The following TIAM1 variants were observed in gnomAD, a reference collection of about 807,000 sequenced individuals.
The protein encoded by TIAM1 is TIAM Rac1 associated GEF 1.
TIAM1 carries 65 observed loss-of-function variants against 163.5 expected under a neutral mutation model. That is an observed-to-expected ratio of 0.40 (90% CI 0.33 to 0.49). The LOEUF (loss-of-function observed/expected upper bound fraction) is 0.49. TIAM1 is among the 20% of genes least tolerant of loss of function. The probability of loss-of-function intolerance (pLI) is 0.77; values close to 1 mark genes in which losing one functional copy is unlikely to be tolerated. For missense variants in TIAM1, 1,789 were observed against 2,044.7 expected (o/e 0.87, Z 2.41); for synonymous variants, 833 against 810.1 (o/e 1.03, Z -0.48).
chr21:31,428,934 A>T (rs1226055850), intron 2 of TIAM1, among the ~76,000 whole-genome samples: 4 of 152,056 alleles, frequency 2.6e-5, no homozygotes, highest in African/African-American at 4.8e-5. Flanking sequence ...GCACTATCCA[A>T]GGTGAGGTAA....
chr21:31,527,941 A>G (rs2047840777), intron 1 of TIAM1, among the ~76,000 whole-genome samples: 1 of 152,130 alleles, frequency 6.6e-6, no homozygotes, highest in South Asian at 2.1e-4. Context: ...ACAGAGTGGG[A>G]GCACCATGTG....
At position 31,556,536 on chromosome 21, in the gene TIAM1, T is replaced by TG. The variant is rs11454331; in HGVS notation, c.-422+2390_-422+2391insC. 2.8e-5 allele frequency among the ~76,000 whole-genome samples: 3 copies of TG among 108,638 alleles called. No homozygotes were observed. The East Asian group carries it at 4.9e-3, about 178-fold the overall frequency. The allele number at this position is 108,638 out of a possible 152,430, so 71.3% of individuals were successfully genotyped here. A position where few individuals can be genotyped will look rare whatever the true frequency, so the allele number is the denominator to read the frequency against. On this transcript the variant is annotated intron_variant, in intron 1 of 28. Coordinates refer to the TIAM1 transcript ENST00000286827. ...GGCAAAAGGGTGTTAAAACAGGAAG[T>TG]TTTTTTTTTTCAATAAAATCTTTGT...
rs1228855775 is a variant in TIAM1, at chr21:31,120,623, G to A, written c.4521C>T (p.Asp1507=). 17 of 1,614,082 alleles carry A rather than the reference G, an allele frequency of 1.1e-5. No homozygotes were observed. Among genetic ancestry groups the A allele is most frequent in the South Asian group, 6.6e-5 (6 of 91,080 alleles). ...DDIKETDILS[D]DDEFCESVKG... is the part of the protein sequence containing the mutation. ...TCACGGACTCACAGAACTCATCATC[G>A]TCACTGAGGATGTCTGTCTCCTTGA... The change falls in exon 28 of 28, where the codon GAC becomes GAT. Residue 1507 remains aspartate, a synonymous_variant. Transcript: ENST00000541036. This position sits in a 1 kb window ranked among gnomAD's most constrained non-coding sequence, Gnocchi z 4.2.
chr21:31,366,942 C>A (rs140227617), intron 2 of TIAM1, among the ~76,000 whole-genome samples: 1 of 152,246 alleles, frequency 6.6e-6, no homozygotes, highest in East Asian at 1.9e-4. Context: ...TACTGGAAAT[C>A]TTGACTAGAA....
chr21:31,542,222 G>A (rs1010047474), intron 1 of TIAM1, among the ~76,000 whole-genome samples: 75 of 151,952 alleles, frequency 4.9e-4, no homozygotes, highest in African/African-American at 1.8e-3. Flanking sequence ...TCAGGAGAAC[G>A]AGACCATCCT....
At position 31,181,756 on chromosome 21, in the gene TIAM1, CTTTTTTTTTTTTTTTTTTTT is replaced by C. The variant is rs781153297; in HGVS notation, c.2887+645_2887+664del. Among the ~76,000 whole-genome samples the C allele has an allele frequency of 7.0e-3, 290 of 41,320 alleles. 23 individuals carry two copies. Among genetic ancestry groups the C allele is most frequent in the South Asian group, 0.034 (40 of 1,188 alleles). 27.1% of individuals were successfully genotyped at this position (41,320 alleles called of 152,430 possible). A position where few individuals can be genotyped will look rare whatever the true frequency, so the allele number is the denominator to read the frequency against. ...CCCAGCACTTCTTCTTCTTCTTCTT[CTTTTTTTTTTTTTTTTTTTT>C]TTTTTTTTTTTTTTTTTTTTTTTTT... On this transcript the variant is annotated intron_variant, in intron 15 of 27. Coordinates refer to ENST00000541036, the MANE Select transcript of TIAM1 (RefSeq NM_001353694.2).
At chr21:31,429,667 G>A (rs1307064626) in intron 2 of TIAM1, among the ~76,000 whole-genome samples, 4 of 152,056 alleles carry the variant, frequency 2.6e-5, no homozygotes, top group Non-Finnish European at 4.4e-5. Context: ...AGGCGTGGGC[G>A]CACCACCTGT....
chr21:31,356,334 T>C (rs1375277264), intron 2 of TIAM1, among the ~76,000 whole-genome samples: 8 of 152,176 alleles, frequency 5.3e-5, no homozygotes, highest in East Asian at 1.9e-4. Flanking sequence ...AAGATACCAA[T>C]TGCCCGTATG....
intron 2 of TIAM1, among the ~76,000 whole-genome samples, chr21:31,337,517 T>G (rs555909377): frequency 7.6e-6 from 1 of 132,178 alleles, no homozygotes; most frequent in African/African-American, 3.2e-5. Flanking sequence ...TTATTATTGT[T>G]GTTATTATTA....
intron 2 of TIAM1, among the ~76,000 whole-genome samples, chr21:31,391,845 G>C (rs2076970434): frequency 6.6e-6 from 1 of 152,088 alleles, no homozygotes; most frequent in African/African-American, 2.4e-5. Flanking sequence ...CATATAAAGA[G>C]AGTCCCTGAT....
chr21:31,294,796 T>C (rs1029729133), intron 2 of TIAM1, among the ~76,000 whole-genome samples: 3 of 152,198 alleles, frequency 2.0e-5, no homozygotes, highest in Non-Finnish European at 2.9e-5. Flanking sequence ...AACATCAGCC[T>C]TCTGGTTCTG....
chr21:31,133,960 C>T (rs557685622), intron 23 of TIAM1, among the ~76,000 whole-genome samples: 2 of 152,030 alleles, frequency 1.3e-5, no homozygotes, highest in African/African-American at 2.4e-5. Context: ...CCCAGCTACT[C>T]GGGAGACTGA....
chr21:31,338,521 A>G (rs866223478), intron 2 of TIAM1, among the ~76,000 whole-genome samples: 1 of 152,100 alleles, frequency 6.6e-6, no homozygotes, highest in Admixed American at 6.5e-5. Flanking sequence ...TTCTCCTCCT[A>G]GGAAGTAAAC....
chr21:31,358,964 A>G (rs888261934), intron 2 of TIAM1, among the ~76,000 whole-genome samples: 1 of 152,112 alleles, frequency 6.6e-6, no homozygotes, highest in Admixed American at 6.5e-5. Context: ...CCCCTTGTTC[A>G]TGCCACTGAA....
At chr21:31,492,664 C>T (rs1333865111) in intron 1 of TIAM1, among the ~76,000 whole-genome samples, 4 of 152,002 alleles carry the variant, frequency 2.6e-5, no homozygotes, top group African/African-American at 4.8e-5. Context: ...ACCTGTGCCC[C>T]GACCACCTTG....
rs546827729 is a variant in TIAM1, at chr21:31,395,142, G to A, written c.-368-55720C>T. On this transcript the variant is annotated intron_variant, in intron 2 of 28. Coordinates refer to the TIAM1 transcript ENST00000286827. This position sits in a 1 kb window ranked among gnomAD's most constrained non-coding sequence, Gnocchi z 7.5. Reference sequence around the variant, plus strand: ...AGTCCCAGCTACTTGGGAGGCTGCGGCACCAGAATTGCTTGAGCCTGGGAG... The same window carrying A: ...AGTCCCAGCTACTTGGGAGGCTGCGACACCAGAATTGCTTGAGCCTGGGAG... Among the ~76,000 whole-genome samples, 3 of 152,160 alleles carry A rather than the reference G, an allele frequency of 2.0e-5. No individual in the cohort carries two copies. The highest frequency in any genetic ancestry group is 4.4e-5 in the Non-Finnish European group (3 of 68,006).
chr21:31,353,215 G>A (rs976881233), intron 2 of TIAM1, among the ~76,000 whole-genome samples: 5 of 152,056 alleles, frequency 3.3e-5, no homozygotes, highest in Non-Finnish European at 7.4e-5. Flanking sequence ...CCCTAACAGT[G>A]GGGGAAATGA....
At position 31,266,821 on chromosome 21, in the gene TIAM1, T is replaced by C; in HGVS notation, c.152A>G (p.Asn51Ser). 3.1e-6 allele frequency: 5 copies of C among 1,614,076 alleles called. No homozygotes were observed. Among genetic ancestry groups the C allele is most frequent in the Non-Finnish European group, 4.2e-6 (5 of 1,180,014 alleles). The change falls in exon 4 of 28, where the codon AAC (asparagine) becomes AGC (serine). Residue 51 changes from asparagine to serine, a missense_variant. Physicochemically the swap from Asn to Ser is conservative, Grantham distance 46. Coordinates refer to ENST00000541036, the MANE Select transcript of TIAM1 (RefSeq NM_001353694.2). ...HASSGKVIHR[N>S]SEVSTRSSST... is the part of the protein sequence containing the mutation. ...GCTGGATCGGGTGCTCACTTCGGAG[T>C]TCCTGTGGATCACCTTCCCCGAGGA...
intron 2 of TIAM1, among the ~76,000 whole-genome samples, chr21:31,437,107 C>T (rs562563229): frequency 3.1e-4 from 47 of 152,210 alleles, no homozygotes; most frequent in African/African-American, 9.9e-4. Context: ...GAAAATAGTT[C>T]TCCACTGTTC....
Sources: allele counts gnomAD v4.1 joint callset (sites outside exome capture counted in the v4.1 genomes callset), GRCh38; gene constraint gnomAD v4.1.1; non-coding constraint Gnocchi (gnomAD v3.1); transcripts MANE v1.5; gene names NCBI Gene and HGNC (gene_info 2026-07-23, HGNC 2026-07-21).